The following TMEM131 variants were observed in gnomAD, a reference collection of about 807,000 sequenced individuals.
TMEM131 encodes the protein 2610524E03Rik.
TMEM131 carries 66 observed loss-of-function variants against 211.6 expected under a neutral mutation model. The ratio of observed to expected loss-of-function variants is 0.31; its 90% CI spans 0.26 to 0.38. The LOEUF (loss-of-function observed/expected upper bound fraction) is 0.38. Among genes scored for constraint, TMEM131 ranks in the 10% least tolerant of loss-of-function variants. The probability of loss-of-function intolerance (pLI) is 1.00; values close to 1 mark genes in which losing one functional copy is unlikely to be tolerated. For missense variants in TMEM131, 2,036 were observed against 2,299.3 expected (o/e 0.89, Z 2.34); for synonymous variants, 844 against 841.3 (o/e 1.00, Z -0.06).
In TMEM131 at chr2:97,821,715, G is replaced by C. The variant is rs1682129973; in HGVS notation, c.1075-2994C>G. Reference sequence around the variant, plus strand: ...CTGGACCCCTTTCACTTGCTATTCTGTCCTATTTTTCCTTAGAATTCGGGG... The same window carrying C: ...CTGGACCCCTTTCACTTGCTATTCTCTCCTATTTTTCCTTAGAATTCGGGG... On this transcript the variant is annotated intron_variant, in intron 11 of 40. Transcript: ENST00000186436. Among the ~76,000 whole-genome samples, 4 of 152,170 alleles carry C rather than the reference G, an allele frequency of 2.6e-5. No individual in the cohort carries two copies. The South Asian group carries it at 8.3e-4, about 32-fold the overall frequency.
intron 4 of TMEM131, among the ~76,000 whole-genome samples, chr2:97,869,063 C>T (rs1051168208): frequency 6.6e-6 from 1 of 152,178 alleles, no homozygotes; most frequent in Non-Finnish European, 1.5e-5. Flanking sequence ...TAAAAACATC[C>T]TCCTTGCATC....
intron 3 of TMEM131, among the ~76,000 whole-genome samples, chr2:97,905,790 T>C (rs989456879): frequency 2.0e-5 from 3 of 152,202 alleles, no homozygotes; most frequent in African/African-American, 7.2e-5. Flanking sequence ...ATAAAATTGA[T>C]GTATTAAATT....
chr2:97,904,989 T>C (rs920187425), intron 3 of TMEM131, among the ~76,000 whole-genome samples: 1 of 152,188 alleles, frequency 6.6e-6, no homozygotes, highest in Non-Finnish European at 1.5e-5. Flanking sequence ...ATCATTTTTG[T>C]TTTTAAAATG....
chr2:97,847,071 G>T (rs1025097190), intron 5 of TMEM131, among the ~76,000 whole-genome samples: 1 of 20,518 alleles, frequency 4.9e-5, no homozygotes, highest in Admixed American at 4.3e-4. Flanking sequence ...CCCAGCTACT[G>T]GGGGGGGGGG....
At chr2:97,839,643 C>T (rs1683102376) in intron 7 of TMEM131, among the ~76,000 whole-genome samples, 1 of 152,212 alleles carries the variant, frequency 6.6e-6, no homozygotes, top group Admixed American at 6.5e-5. Flanking sequence ...AGAGAAAGGT[C>T]TAGAATGATA....
At chr2:97,800,063 T>C (rs546123771) in intron 25 of TMEM131, among the ~76,000 whole-genome samples, 1 of 152,346 alleles carries the variant, frequency 6.6e-6, no homozygotes, top group South Asian at 2.1e-4. Context: ...TTTAAACAAA[T>C]TAAATCACTA....
chr2:97,777,098 A>G (rs563765363), intron 31 of TMEM131, among the ~76,000 whole-genome samples: 1 of 152,216 alleles, frequency 6.6e-6, no homozygotes, highest in South Asian at 2.1e-4. Flanking sequence ...GCAAACAACA[A>G]GCAAGCTCCT....
In TMEM131 at chr2:97,757,030, G is replaced by C; in HGVS notation, c.*69C>G. 6.7e-7 allele frequency: 1 copy of C among 1,482,838 alleles called. No individual in the cohort carries two copies. Among genetic ancestry groups the C allele is most frequent in the Non-Finnish European group, 9.0e-7 (1 of 1,114,158 alleles). The allele number at this position is 1,482,838 out of a possible 1,614,324, so 91.9% of individuals were successfully genotyped here. A position where few individuals can be genotyped will look rare whatever the true frequency, so the allele number is the denominator to read the frequency against. ...GGAGCTGCAGTAAGAGCCTTAAAAA[G>C]ATGTCTCAGAAACTGGCACATCATG... On this transcript the variant is annotated 3_prime_UTR_variant, in exon 41 of 41. Coordinates refer to ENST00000186436, the MANE Select transcript of TMEM131 (RefSeq NM_015348.2).
At chr2:97,829,376 G>T (rs931549800) in intron 11 of TMEM131, among the ~76,000 whole-genome samples, 1 of 138,552 alleles carries the variant, frequency 7.2e-6, no homozygotes, top group African/African-American at 2.5e-5. Context: ...ATCAGCACTC[G>T]GTAAAAACGC....
intron 11 of TMEM131, among the ~76,000 whole-genome samples, chr2:97,832,773 T>C (rs972823880): frequency 3.3e-5 from 5 of 152,172 alleles, no homozygotes; most frequent in African/African-American, 9.7e-5. Flanking sequence ...ATATCCCTTT[T>C]TTTCCTAAAA....
chr2:97,879,999 G>A (rs374314095), intron 4 of TMEM131, among the ~76,000 whole-genome samples: 1 of 152,180 alleles, frequency 6.6e-6, no homozygotes, highest in East Asian at 1.9e-4. Flanking sequence ...AGGAATGAAA[G>A]GTCATGAGGT....
In TMEM131 at chr2:97,946,925, CA is replaced by C. The variant is rs148031220; in HGVS notation, c.188-19439del. On this transcript the variant is annotated intron_variant, in intron 1 of 40. Coordinates refer to ENST00000186436, the MANE Select transcript of TMEM131 (RefSeq NM_015348.2). ...AGGAATGAAATACTGTTTAAATATT[CA>C]AAAAAAAAACTTCAACATATAAGAC... is the stretch of plus-strand genomic sequence containing the variant. Among the ~76,000 whole-genome samples the C allele has an allele frequency of 1.8e-4, 26 of 146,540 alleles. No homozygotes were observed. In the East Asian group the frequency reaches 2.0e-3, roughly 11 times the overall value.
intron 1 of TMEM131, among the ~76,000 whole-genome samples, chr2:97,948,820 G>A (rs1162852783): frequency 6.6e-6 from 1 of 152,056 alleles, no homozygotes; most frequent in African/African-American, 2.4e-5. Flanking sequence ...ACCACGCCCG[G>A]CTAATTTTTT....
intron 1 of TMEM131, among the ~76,000 whole-genome samples, chr2:97,927,954 G>T (rs1367033680): frequency 6.6e-6 from 1 of 152,166 alleles, no homozygotes; most frequent in Non-Finnish European, 1.5e-5. Context: ...TGGTGAGGAA[G>T]TGGGCAGGGA....
At chr2:97,912,723 G>C (rs955934119) in intron 2 of TMEM131, among the ~76,000 whole-genome samples, 1 of 151,906 alleles carries the variant, frequency 6.6e-6, no homozygotes, top group African/African-American at 2.4e-5. Flanking sequence ...TTGGTCTTTC[G>C]GTACCTTCCC....
chr2:97,781,082 T>C (rs1168304086), intron 31 of TMEM131, among the ~76,000 whole-genome samples: 1 of 152,214 alleles, frequency 6.6e-6, no homozygotes, highest in Non-Finnish European at 1.5e-5. Context: ...GGTCTGTCTC[T>C]GGACATGAAG....
chr2:97,762,086 G>C lies in TMEM131; in HGVS notation c.4838C>G (p.Pro1613Arg), dbSNP rs983352899. The change falls in exon 36 of 41, where the codon CCC becomes CGC. Residue 1613 changes from proline (P) to arginine (R), a missense_variant. Pro to Arg is a moderately radical substitution (Grantham distance 103). Coordinates refer to ENST00000186436, the MANE Select transcript of TMEM131 (RefSeq NM_015348.2). Reference sequence around the variant, plus strand: ...GCTGTAGCTGCCCCGGGCCACAAAGGGGCAGGGGGCAGCTGGGGGAGACGG... The same window carrying C: ...GCTGTAGCTGCCCCGGGCCACAAAGCGGCAGGGGGCAGCTGGGGGAGACGG... Reference protein sequence around the residue: ...ASPSPPAAPCPFVARGSYSSI... With the variant: ...ASPSPPAAPCRFVARGSYSSI... 3.1e-6 allele frequency: 5 copies of C among 1,609,984 alleles called. No homozygotes were observed. Among genetic ancestry groups the C allele is most frequent in the Admixed American group, 1.7e-5 (1 of 59,344 alleles).
chr2:97,793,041 A>T, intron 30 of TMEM131, 57 bp from the exon 31 acceptor site: 7 of 1,301,830 alleles, frequency 5.4e-6, no homozygotes, highest in Non-Finnish European at 6.2e-6. Flanking sequence ...TCTAATATTA[A>T]AAAAAAACTT....
At position 97,914,905 on chromosome 2, in the gene TMEM131, G is replaced by GTAACCACATGTT. The variant is rs1676444504; in HGVS notation, c.250-6208_250-6207insAACATGTGGTTA. Among the ~76,000 whole-genome samples, 13 of 152,364 alleles carry GTAACCACATGTT rather than the reference G, an allele frequency of 8.5e-5. No individual in the cohort carries two copies. In the South Asian group the frequency reaches 2.7e-3, roughly 32 times the overall value. On this transcript the variant is annotated intron_variant, in intron 2 of 40. Transcript: ENST00000186436. ...GGGAGAATCCCCAAGAGAGCAATTA[G>GTAACCACATGTT]TAGGTCAATTATAGTAACCACATGT...
Sources: gnomAD v4.1 joint callset for allele counts (sites outside exome capture counted in the v4.1 genomes callset) on GRCh38, gnomAD v4.1.1 for gene constraint, MANE v1.5 for transcripts, NCBI Gene and HGNC (gene_info 2026-07-23, HGNC 2026-07-21) for gene names.